Variants in FAM13B observed in about 807,000 individuals in gnomAD.
The protein encoded by FAM13B is family with sequence similarity 13 member B.
Under a neutral mutation model 117.3 loss-of-function variants are expected in FAM13B, and 60 were observed. That is an observed-to-expected ratio of 0.51 (90% confidence interval 0.42 to 0.63). The LOEUF (loss-of-function observed/expected upper bound fraction) is 0.63. FAM13B is among the 30% of genes least tolerant of loss of function. The probability of loss-of-function intolerance (pLI) is 0.00; values close to 1 mark genes in which losing one functional copy is unlikely to be tolerated. For synonymous variants in FAM13B, 332 were observed against 356.1 expected, an observed-to-expected ratio of 0.93 and a Z score of 0.76; for missense variants, 972 against 1,091.9, an observed-to-expected ratio of 0.89 and a Z score of 1.55.
At chr5:137,973,939 A>G (rs553342171) in intron 10 of FAM13B, among the ~76,000 whole-genome samples, 262 of 143,352 alleles carry the variant, frequency 1.8e-3, no homozygotes, top group Non-Finnish European at 2.8e-3. Flanking sequence ...GGCAATCATT[A>G]AAAAGTCAGG....
At chr5:137,981,539 A>C (rs1306277680) in intron 10 of FAM13B, among the ~76,000 whole-genome samples, 1 of 152,194 alleles carries the variant, frequency 6.6e-6, no homozygotes, top group East Asian at 1.9e-4. Context: ...TAATCCCAGC[A>C]CTTTGGGAAG....
intron 1 of FAM13B, among the ~76,000 whole-genome samples, chr5:138,042,871 C>T (rs774921567): frequency 6.6e-6 from 1 of 152,068 alleles, no homozygotes; most frequent in Non-Finnish European, 1.5e-5. Context: ...GAGGGTGGAC[C>T]ACCTGAAGCC....
chr5:137,989,735 G>A (rs1432049859), intron 7 of FAM13B, among the ~76,000 whole-genome samples: 1 of 152,144 alleles, frequency 6.6e-6, no homozygotes, highest in East Asian at 1.9e-4. Flanking sequence ...GGCTGAGGCA[G>A]GAAGATCGCT....
At chr5:138,026,602 G>A (rs556739341) in intron 1 of FAM13B, among the ~76,000 whole-genome samples, 29 of 144,182 alleles carry the variant, frequency 2.0e-4, no homozygotes, top group Non-Finnish European at 2.7e-4. Context: ...GAACTCCAGC[G>A]TGGGCACCAG....
intron 7 of FAM13B, among the ~76,000 whole-genome samples, chr5:138,004,188 G>C (rs1781960428): frequency 6.6e-6 from 1 of 151,808 alleles, no homozygotes; most frequent in Non-Finnish European, 1.5e-5. Flanking sequence ...AGAATCGCTT[G>C]AACTCAGGAG....
chr5:137,969,877 G>A (rs1581128321), intron 10 of FAM13B, among the ~76,000 whole-genome samples: 3 of 152,220 alleles, frequency 2.0e-5, no homozygotes, highest in African/African-American at 7.2e-5. Context: ...AAGATCAAAT[G>A]AATGAAATGA....
chr5:138,012,572 T>C (rs941728202), intron 4 of FAM13B, among the ~76,000 whole-genome samples: 1 of 152,338 alleles, frequency 6.6e-6, no homozygotes, highest in African/African-American at 2.4e-5. Context: ...GCTTATCAAG[T>C]AAACTTTATC....
chr5:137,946,515 T>G, intron 18 of FAM13B: 1 of 479,702 alleles, frequency 2.1e-6, no homozygotes, highest in Non-Finnish European at 3.6e-6. Context: ...GCTCTTATAA[T>G]AAGTAGGTAC....
chr5:138,012,284 C>A (rs930112691), intron 4 of FAM13B, among the ~76,000 whole-genome samples: 1 of 146,572 alleles, frequency 6.8e-6, no homozygotes, highest in Non-Finnish European at 1.5e-5. Context: ...TGTGTTTCCA[C>A]ACTAGTGCCA....
intron 1 of FAM13B, among the ~76,000 whole-genome samples, chr5:138,027,481 A>G (rs1788731547): frequency 6.6e-6 from 1 of 152,238 alleles, no homozygotes; most frequent in Admixed American, 6.5e-5. Flanking sequence ...GCTTCTTACT[A>G]GCTGGGGCTC....
chr5:137,979,771 T>C lies in FAM13B; in HGVS notation c.1179+5486A>G, dbSNP rs1775100079. On this transcript the variant is annotated intron_variant, in intron 10 of 23. Transcript: ENST00000689681. ...CCATAACTACCCTGGCCAGAAGTTCTTTCCTCTCTTCTGCAAGACTATAGT... is the reference window on the plus strand; with the variant it reads ...CCATAACTACCCTGGCCAGAAGTTCCTTCCTCTCTTCTGCAAGACTATAGT... Among the ~76,000 whole-genome samples, 3 of 152,168 alleles carry C rather than the reference T, an allele frequency of 2.0e-5. No homozygotes were observed. In the South Asian group the frequency reaches 6.2e-4, roughly 31 times the overall value.
chr5:137,984,654 A>C (rs1436127297), intron 10 of FAM13B, among the ~76,000 whole-genome samples: 4 of 152,238 alleles, frequency 2.6e-5, no homozygotes, highest in Admixed American at 1.3e-4. Flanking sequence ...TTCTTCAGCA[A>C]AACTCCTAAG....
chr5:137,941,062 C>T (rs1028470205), intron 23 of FAM13B, among the ~76,000 whole-genome samples: 11 of 152,108 alleles, frequency 7.2e-5, no homozygotes, highest in Admixed American at 2.0e-4. Flanking sequence ...CCCGCCACCA[C>T]GCCTGCCTAA....
At position 137,940,357 on chromosome 5, in the gene FAM13B, G is replaced by A. The variant is rs753799278; in HGVS notation, c.2691-9C>T. The A allele has an allele frequency of 7.6e-6, 12 of 1,575,764 alleles. No individual in the cohort carries two copies. The South Asian group carries it at 1.4e-4, about 18-fold the overall frequency. On this transcript the variant is annotated splice_polypyrimidine_tract_variant and intron_variant, in intron 23 of 23. Coordinates refer to ENST00000689681, the MANE Select transcript of FAM13B (RefSeq NM_001385994.1). ...CCTCTTTCTGGGCATTCCTAGGGGA[G>A]AAAATAAAATTTGTAATGTTCTAGA... is the stretch of plus-strand genomic sequence containing the variant.
intron 1 of FAM13B, among the ~76,000 whole-genome samples, chr5:138,045,757 G>A (rs1045975587): frequency 1.3e-5 from 2 of 151,880 alleles, no homozygotes; most frequent in Non-Finnish European, 2.9e-5. Context: ...CCAGCACTTT[G>A]GGAGGCTGAG....
At chr5:137,986,010 C>T (rs13173115) in intron 9 of FAM13B, among the ~76,000 whole-genome samples, 114,186 of 152,050 alleles carry the variant, frequency 0.75, 43,318 homozygotes, top group East Asian at 0.97. Flanking sequence ...ATTTCTAACA[C>T]TTAGATACTG....
chr5:138,047,306 A>G (rs1034302333), intron 1 of FAM13B, among the ~76,000 whole-genome samples: 1 of 151,532 alleles, frequency 6.6e-6, no homozygotes, highest in African/African-American at 2.4e-5. Context: ...GGATATCAAG[A>G]CAATCCTGAC....
intron 6 of FAM13B, among the ~76,000 whole-genome samples, chr5:138,008,490 C>T (rs902044937): frequency 2.0e-5 from 3 of 152,144 alleles, no homozygotes; most frequent in Admixed American, 6.5e-5. Flanking sequence ...GCCTCAGAGG[C>T]AGAAATACCT....
chr5:137,960,568 T>C (rs1438584538), intron 11 of FAM13B, among the ~76,000 whole-genome samples: 1 of 152,186 alleles, frequency 6.6e-6, no homozygotes, highest in East Asian at 1.9e-4. Flanking sequence ...ATAAATGTTT[T>C]AACCAAATAA....
Sources: gnomAD v4.1 joint callset for allele counts (sites outside exome capture counted in the v4.1 genomes callset) on GRCh38, gnomAD v4.1.1 for gene constraint, MANE v1.5 for transcripts, NCBI Gene and HGNC (gene_info 2026-07-23, HGNC 2026-07-21) for gene names.